SCUBE3: variants seen among roughly 807,000 people sequenced by gnomAD.
SCUBE3 encodes signal peptide, CUB domain and EGF like domain containing 3.
A neutral mutation model predicts 116.8 loss-of-function variants in SCUBE3; 33 were observed. That is an observed-to-expected ratio of 0.28 (90% CI 0.21 to 0.38). The LOEUF (loss-of-function observed/expected upper bound fraction) is 0.38. SCUBE3 is among the 10% of genes least tolerant of loss of function. The pLI is 1.00. For missense variants in SCUBE3, 1,007 were observed against 1,324.8 expected, an observed-to-expected ratio of 0.76 and a Z score of 3.72; for synonymous variants, 418 against 496.9, an observed-to-expected ratio of 0.84 and a Z score of 2.11.
At chr6:35,226,365 T>C (rs1783321829) in intron 1 of SCUBE3, among the ~76,000 whole-genome samples, 1 of 152,146 alleles carries the variant, frequency 6.6e-6, no homozygotes, top group African/African-American at 2.4e-5. Context: ...CATTATAGTG[T>C]CTTTCACAAA....
In SCUBE3 at chr6:35,248,988, C is replaced by T. The variant is rs555139841; in HGVS notation, c.*283C>T. ...GTGAGATGTAAAGAAACAGTACAGC[C>T]CCTTCCACTGCCCATTTTACCAGCT... On this transcript the variant is annotated 3_prime_UTR_variant, in exon 22 of 22. Transcript: ENST00000274938. The T allele has an allele frequency of 5.9e-4, 212 of 360,802 alleles. 2 individuals carry two copies. Among genetic ancestry groups the T allele is most frequent in the African/African-American group, 4.0e-3 (191 of 47,418 alleles). 22.4% of individuals were successfully genotyped at this position (360,802 alleles called of 1,614,324 possible). A position where few individuals can be genotyped will look rare whatever the true frequency, so the allele number is the denominator to read the frequency against.
In SCUBE3 at chr6:35,242,158, C is replaced by T. The variant is rs1784096102; in HGVS notation, c.1418-46C>T. On this transcript the variant is annotated intron_variant, in intron 12 of 21. Transcript: ENST00000274938. ...CAACAACCCCTACGGCACCCCCGACCTCCATGGGCATCCCATACTGTGCTG... is the reference window on the plus strand; with the variant it reads ...CAACAACCCCTACGGCACCCCCGACTTCCATGGGCATCCCATACTGTGCTG... 4 of 1,412,162 alleles carry T rather than the reference C, an allele frequency of 2.8e-6. No individual in the cohort carries two copies. In the African/African-American group the frequency reaches 5.6e-5, roughly 20 times the overall value. 87.5% of individuals were successfully genotyped at this position (1,412,162 alleles called of 1,614,324 possible). A position where few individuals can be genotyped will look rare whatever the true frequency, so the allele number is the denominator to read the frequency against.
intron 6 of SCUBE3, among the ~76,000 whole-genome samples, chr6:35,234,229 G>A (rs1247088383): frequency 6.6e-6 from 1 of 152,202 alleles, no homozygotes; most frequent in Non-Finnish European, 1.5e-5. Flanking sequence ...GGCAGGGCAT[G>A]AGCTTGCTGT....
chr6:35,224,821 T>C (rs1401361394), intron 1 of SCUBE3, among the ~76,000 whole-genome samples: 2 of 152,050 alleles, frequency 1.3e-5, no homozygotes, highest in African/African-American at 4.8e-5. Context: ...ACCTCTGATA[T>C]GGTCAGGGGA....
rs1040883668 is a variant in SCUBE3 at position 35,243,692 on chromosome 6, G to A, written c.2008G>A (p.Asp670Asn). ...GGAGAGAGAAGGGCAGCTCTCCTGC[G>A]ACCTTTGCCCTGGGAGTGATGCCCA... ...FQEREGQLSCDLCPGSDAHGP... is the reference protein window; with the variant it reads ...FQEREGQLSCNLCPGSDAHGP... Residue 670 changes from aspartate (D) to asparagine (N), a missense_variant, in exon 16 of 22, where the codon GAC (aspartate) becomes AAC (asparagine). Physicochemically the swap from Asp to Asn is conservative, Grantham distance 23. Coordinates refer to ENST00000274938, the MANE Select transcript of SCUBE3 (RefSeq NM_152753.4). The surrounding 1 kb of genome is among the most constrained non-coding windows in gnomAD (Gnocchi z 6.6). The A allele has an allele frequency of 6.2e-6, 10 of 1,613,990 alleles. No homozygotes were observed. Among genetic ancestry groups the A allele is most frequent in the East Asian group, 2.2e-5 (1 of 44,882 alleles).
At position 35,214,179 on chromosome 6, in the gene SCUBE3, C is replaced by T. The variant is rs1326936041; in HGVS notation, c.-240C>T. 1.3e-5 allele frequency among the ~76,000 whole-genome samples: 2 copies of T among 152,158 alleles called. No individual in the cohort carries two copies. Among genetic ancestry groups the T allele is most frequent in the African/African-American group, 4.8e-5 (2 of 41,458 alleles). On this transcript the variant is annotated 5_prime_UTR_variant, in exon 1 of 22. Coordinates refer to ENST00000274938, the MANE Select transcript of SCUBE3 (RefSeq NM_152753.4). The surrounding 1 kb of genome is among the most constrained non-coding windows in gnomAD (Gnocchi z 6.3). Reference sequence around the variant, plus strand: ...TCCCCTCCGTCAGTCGCCCCTGGCGCCCCTCGCCTCGTCGCACTCTCCGCC... The same window carrying T: ...TCCCCTCCGTCAGTCGCCCCTGGCGTCCCTCGCCTCGTCGCACTCTCCGCC...
At position 35,243,246 on chromosome 6, in the gene SCUBE3, C is replaced by A. The variant is rs746340764; in HGVS notation, c.1909+10C>A. On this transcript the variant is annotated intron_variant, in intron 15 of 21. Transcript: ENST00000274938. This position sits in a 1 kb window ranked among gnomAD's most constrained non-coding sequence, Gnocchi z 6.6. ...GCTGGGACCAAGTGTGGTAAGGGAG[C>A]TTACTGGGGAGCAGGGATGTAGGAA... The A allele has an allele frequency of 6.2e-7, 1 of 1,609,986 alleles. No homozygotes were observed. Among genetic ancestry groups the A allele is most frequent in the Non-Finnish European group, 8.5e-7 (1 of 1,177,354 alleles).
rs190040847 is a variant in SCUBE3 at position 35,231,722 on chromosome 6, C to G, written c.335-3C>G. 1 of 1,608,890 alleles carries G rather than the reference C, an allele frequency of 6.2e-7. No individual in the cohort carries two copies. The highest frequency in any genetic ancestry group is 8.5e-7 in the Non-Finnish European group (1 of 1,176,152). On this transcript the variant is annotated splice_polypyrimidine_tract_variant and splice_region_variant and intron_variant, in intron 3 of 21. Transcript: ENST00000274938. The surrounding 1 kb of genome is among the most constrained non-coding windows in gnomAD (Gnocchi z 4.2). ...GACCCCACTGACTACCTATCCTGCACAGATGTGGACGAGTGTGCCGAGGGC... is the reference window on the plus strand; with the variant it reads ...GACCCCACTGACTACCTATCCTGCAGAGATGTGGACGAGTGTGCCGAGGGC...
chr6:35,214,515 G>A lies in SCUBE3; in HGVS notation c.85+12G>A. On this transcript the variant is annotated intron_variant, in intron 1 of 21. Coordinates refer to ENST00000274938, the MANE Select transcript of SCUBE3 (RefSeq NM_152753.4). This position sits in a 1 kb window ranked among gnomAD's most constrained non-coding sequence, Gnocchi z 6.3. ...CAAAGCCGCGCAAGGTAAGGAAGGA[G>A]GGGCGCGCGGCCTGGGGGCTGTCCT... 1 of 1,460,032 alleles carries A rather than the reference G, an allele frequency of 6.8e-7. No individual in the cohort carries two copies. Among genetic ancestry groups the A allele is most frequent in the South Asian group, 1.3e-5 (1 of 75,690 alleles). The allele number at this position is 1,460,032 out of a possible 1,614,324, so 90.4% of individuals were successfully genotyped here.
chr6:35,231,589 G>C lies in SCUBE3; in HGVS notation c.335-136G>C. ...ACTTAGTGAAATATTAGCTGACAAG[G>C]GTGTGAGGACTTCCTGGCTTAAGGC... is the stretch of plus-strand genomic sequence containing the variant. On this transcript the variant is annotated intron_variant, in intron 3 of 21. Coordinates refer to ENST00000274938, the MANE Select transcript of SCUBE3 (RefSeq NM_152753.4). The surrounding 1 kb of genome is among the most constrained non-coding windows in gnomAD (Gnocchi z 4.2). The C allele has an allele frequency of 3.2e-6, 2 of 628,694 alleles. No homozygotes were observed. Among genetic ancestry groups the C allele is most frequent in the Non-Finnish European group, 5.0e-6 (2 of 398,290 alleles). 38.9% of individuals were successfully genotyped at this position (628,694 alleles called of 1,614,324 possible).
chr6:35,237,832 C>A, intron 6 of SCUBE3, 70 bp from the exon 7 acceptor site: 8 of 943,072 alleles, frequency 8.5e-6, no homozygotes, highest in Non-Finnish European at 1.0e-5. Flanking sequence ...GTGGTCTCCA[C>A]TACCCTCAGA....
In SCUBE3 at chr6:35,244,269, A is replaced by T; in HGVS notation, c.2239+139A>T. 1 of 728,026 alleles carries T rather than the reference A, an allele frequency of 1.4e-6. No individual in the cohort carries two copies. The highest frequency in any genetic ancestry group is 2.7e-5 in the East Asian group (1 of 36,858). 45.1% of individuals were successfully genotyped at this position (728,026 alleles called of 1,614,324 possible). A position where few individuals can be genotyped will look rare whatever the true frequency, so the allele number is the denominator to read the frequency against. On this transcript the variant is annotated intron_variant, in intron 17 of 21. Transcript: ENST00000274938. The surrounding 1 kb of genome is among the most constrained non-coding windows in gnomAD (Gnocchi z 4.3). The stretch of plus-strand genomic sequence containing the variant: ...GCCCAGCTACTTGACCAACCATACC[A>T]TCCTGCTTCCAGGACCCACCCTGCC...
chr6:35,248,591 A>G lies in SCUBE3; in HGVS notation c.2868A>G (p.Leu956=). The change falls in exon 22 of 22, where the codon CTA becomes CTG. Residue 956 remains leucine (L), a synonymous_variant. Transcript: ENST00000274938. The part of the protein sequence containing the change: ...KKLIKAFFEV[L]AHPQNYFKYT... The stretch of plus-strand genomic sequence containing the variant: ...TCATCAAGGCCTTCTTTGAGGTGCT[A>G]GCCCACCCCCAGAACTACTTCAAGT... 6.8e-6 allele frequency: 11 copies of G among 1,614,030 alleles called. No homozygotes were observed. The highest frequency in any genetic ancestry group is 9.3e-6 in the Non-Finnish European group (11 of 1,179,932).
intron 1 of SCUBE3, chr6:35,223,059 G>A (rs113149998): frequency 0.014 from 2,090 of 152,232 alleles, 19 homozygotes; most frequent in South Asian, 0.033. Flanking sequence ...GATGCCACGC[G>A]CATATAGTCC....
rs375292197 is a variant in SCUBE3, at chr6:35,245,358, C to T, written c.2532C>T (p.Ile844=). 1.9e-6 allele frequency: 3 copies of T among 1,614,158 alleles called. No individual in the cohort carries two copies. Among genetic ancestry groups the T allele is most frequent in the Non-Finnish European group, 1.7e-6 (2 of 1,180,022 alleles). ...INPPPKRKIL[I]VVPEIFLPSE... is the part of the protein sequence containing the mutation. ...CCCCACCCAAGCGCAAGATCCTTATCGTGGTACCAGAGATCTTCCTGCCAT... is the reference window on the plus strand; with the variant it reads ...CCCCACCCAAGCGCAAGATCCTTATTGTGGTACCAGAGATCTTCCTGCCAT... Residue 844 remains isoleucine, a synonymous_variant, in exon 19 of 22, where the codon ATC becomes ATT. Coordinates refer to ENST00000274938, the MANE Select transcript of SCUBE3 (RefSeq NM_152753.4). This position sits in a 1 kb window ranked among gnomAD's most constrained non-coding sequence, Gnocchi z 4.2.
At chr6:35,242,443 A>G in intron 13 of SCUBE3, 123 bp downstream of exon 13, 3 of 916,076 alleles carry the variant, frequency 3.3e-6, no homozygotes, top group Non-Finnish European at 5.2e-6. Flanking sequence ...AGGAAAAAGC[A>G]GCTGTAGGCA....
rs754853359 is a variant in SCUBE3, at chr6:35,232,917, T to C, written c.537T>C (p.Gly179=). ...AHICRETPKG[G]IACECRPGFE... ...TTTGCCGGGAGACACCCAAGGGGGGTATTGCCTGTGAATGCCGTCCTGGCT... is the reference window on the plus strand; with the variant it reads ...TTTGCCGGGAGACACCCAAGGGGGGCATTGCCTGTGAATGCCGTCCTGGCT... Residue 179 remains glycine (G), a synonymous_variant, in exon 5 of 22, where the codon GGT becomes GGC. Transcript: ENST00000274938. This position sits in a 1 kb window ranked among gnomAD's most constrained non-coding sequence, Gnocchi z 4.2. 6.2e-7 allele frequency: 1 copy of C among 1,613,652 alleles called. No homozygotes were observed. Among genetic ancestry groups the C allele is most frequent in the Non-Finnish European group, 8.5e-7 (1 of 1,179,906 alleles).
At position 35,228,509 on chromosome 6, in the gene SCUBE3, T is replaced by C. The variant is rs1783412861; in HGVS notation, c.209-105T>C. On this transcript the variant is annotated intron_variant, in intron 2 of 21. Transcript: ENST00000274938. This position sits in a 1 kb window ranked among gnomAD's most constrained non-coding sequence, Gnocchi z 4.9. ...AAACAGAAAAATGCTAAATGGCTTA[T>C]AGGCCATGAACATAACTATGTAAAC... The C allele has an allele frequency of 1.7e-6, 2 of 1,151,456 alleles. No homozygotes were observed. Among genetic ancestry groups the C allele is most frequent in the South Asian group, 3.3e-5 (2 of 60,854 alleles). 71.3% of individuals were successfully genotyped at this position (1,151,456 alleles called of 1,614,324 possible).
chr6:35,240,858 T>C lies in SCUBE3; in HGVS notation c.1070-283T>C, dbSNP rs146771740. 6.6e-6 allele frequency among the ~76,000 whole-genome samples: 1 copy of C among 152,366 alleles called. No homozygotes were observed. Among genetic ancestry groups the C allele is most frequent in the Non-Finnish European group, 1.5e-5 (1 of 68,036 alleles). ...AGATAATTGGAGGAGGTTTGAGCTC[T>C]TCTCAGGCCAGTAGTCATCTTACAG... On this transcript the variant is annotated intron_variant, in intron 9 of 21. Coordinates refer to ENST00000274938, the MANE Select transcript of SCUBE3 (RefSeq NM_152753.4). This position sits in a 1 kb window ranked among gnomAD's most constrained non-coding sequence, Gnocchi z 4.6.
Sources: allele counts gnomAD v4.1 joint callset (sites outside exome capture counted in the v4.1 genomes callset), GRCh38; gene constraint gnomAD v4.1.1; non-coding constraint Gnocchi (gnomAD v3.1); transcripts MANE v1.5; gene names NCBI Gene and HGNC (gene_info 2026-07-23, HGNC 2026-07-21).